Variants in LZTFL1 observed in about 807,000 individuals in gnomAD.
LZTFL1 encodes the protein leucine zipper transcription factor like 1.
Under a neutral mutation model 45.9 loss-of-function variants are expected in LZTFL1, and 25 were observed. The observed-to-expected ratio is 0.54, with a 90% CI of 0.40 to 0.76. LZTFL1 has a LOEUF of 0.76. LZTFL1 is among the 30% of genes least tolerant of loss of function. LZTFL1 has a pLI of 0.00. For missense variants in LZTFL1, 277 were observed against 331.1 expected, an observed-to-expected ratio of 0.84 and a Z score of 1.27; for synonymous variants, 93 against 117.4, an observed-to-expected ratio of 0.79 and a Z score of 1.35.
chr3:45,894,849 GGTT>G (rs1332593496), intron 2 of LZTFL1: 4 of 1,228,534 alleles, frequency 3.3e-6, no homozygotes, highest in Non-Finnish European at 4.8e-6. Context: ...TTTGGCATTT[GGTT>G]GTTACTATTC....
intron 1 of LZTFL1, among the ~76,000 whole-genome samples, chr3:45,915,103 T>A (rs1324457718): frequency 6.6e-6 from 1 of 152,184 alleles, no homozygotes; most frequent in Admixed American, 6.5e-5. Flanking sequence ...CTGCCTTTGG[T>A]GTCTGTTCCC....
chr3:45,842,275 T>G (rs947648744), upstream of LZTFL1: 152 of 975,794 alleles, frequency 1.6e-4, no homozygotes, highest in Non-Finnish European at 2.1e-4. Context: ...AGTTCACTTT[T>G]GGGAGCTGAC....
In LZTFL1 at chr3:45,834,264, CT is replaced by C; in HGVS notation, c.357del (p.Ala120GlnfsTer12). 6.3e-7 allele frequency: 1 copy of C among 1,596,810 alleles called. No homozygotes were observed. The highest frequency in any genetic ancestry group is 8.6e-7 in the Non-Finnish European group (1 of 1,166,238). ...TTTTTGTTTGAAGATGTAATCTCTG[CT>C]TTTTCAAATTCTGCAACTTGTTCTA... is the stretch of plus-strand genomic sequence containing the variant. The part of the protein sequence containing the change: ...ELLEQVAEFE[K>X]AEITSSNKKP... On this transcript the variant is annotated frameshift_variant, in exon 4 of 10. Transcript: ENST00000296135. LOFTEE classifies it high-confidence loss of function.
intron 2 of LZTFL1, among the ~76,000 whole-genome samples, chr3:45,881,592 T>TC (rs1701861083): frequency 1.3e-5 from 2 of 152,192 alleles, no homozygotes; most frequent in South Asian, 4.1e-4. Context: ...CAAAAATGAC[T>TC]ACTTTCTCCT....
At chr3:45,890,274 A>AAATATATATATAACT (rs1317451155) in intron 2 of LZTFL1, among the ~76,000 whole-genome samples, 1 of 10,366 alleles carries the variant, frequency 9.6e-5, no homozygotes, top group African/African-American at 2.0e-4. Context: ...TATATAACAT[A>AAATATATATATAACT]TATATATATT....
At chr3:45,850,380 C>T (rs1701289446) in intron 4 of LZTFL1, among the ~76,000 whole-genome samples, 1 of 152,290 alleles carries the variant, frequency 6.6e-6, no homozygotes, top group South Asian at 2.1e-4. Flanking sequence ...TACACAGTCT[C>T]CCCACTCCCT....
At chr3:45,875,724 G>A (rs1167165199) in intron 2 of LZTFL1, among the ~76,000 whole-genome samples, 1 of 152,140 alleles carries the variant, frequency 6.6e-6, no homozygotes, top group Admixed American at 6.5e-5. Context: ...TCTACATAGT[G>A]GTTGTGAAGA....
intron 2 of LZTFL1, among the ~76,000 whole-genome samples, chr3:45,892,789 T>C (rs752402063): frequency 1.2e-4 from 18 of 152,096 alleles, no homozygotes; most frequent in Non-Finnish European, 1.9e-4. Context: ...TCTCTCAAGT[T>C]GGCTACAACA....
intron 2 of LZTFL1, among the ~76,000 whole-genome samples, chr3:45,878,613 C>T (rs1309309789): frequency 6.7e-6 from 1 of 148,304 alleles, no homozygotes; most frequent in African/African-American, 2.5e-5. Context: ...AAAAAAAGCC[C>T]CTCTATGAAA....
At position 45,828,617 on chromosome 3, in the gene LZTFL1, T is replaced by C; in HGVS notation, c.601-2A>G. 6.2e-7 allele frequency: 1 copy of C among 1,600,322 alleles called. No homozygotes were observed. Among genetic ancestry groups the C allele is most frequent in the East Asian group, 2.2e-5 (1 of 44,814 alleles). On this transcript the variant is annotated splice_acceptor_variant, in intron 7 of 9. Transcript: ENST00000296135. LOFTEE classifies it high-confidence loss of function. Reference sequence around the variant, plus strand: ...TAAGTCTTGGGCCTTTATAAAATCCTATGAAAAATAAATGCATGCATGTAA... The same window carrying C: ...TAAGTCTTGGGCCTTTATAAAATCCCATGAAAAATAAATGCATGCATGTAA...
At chr3:45,842,231 G>A (rs965693642), upstream of LZTFL1, 49 of 1,327,424 alleles carry the variant, frequency 3.7e-5, no homozygotes, top group Non-Finnish European at 4.5e-5. Flanking sequence ...ATGCGCATTG[G>A]CTTCCAGGGC....
rs1553616523 is a variant in LZTFL1 at position 45,890,306 on chromosome 3, T to TATATATATTTATATAAATATATATATAAC, written c.-215+22813_-215+22814insGTTATATATATATTTATATAAATATATAT. On this transcript the variant is annotated intron_variant, in intron 2 of 4. Transcript: ENST00000472635. ...TATTTATATAAATATATATATAACA[T>TATATATATTTATATAAATATATATATAAC]ATATATATATTTATATAAATATATA... 6.1e-3 allele frequency among the ~76,000 whole-genome samples: 94 copies of TATATATATTTATATAAATATATATATAAC among 15,430 alleles called. 19 individuals carry two copies. The highest frequency in any genetic ancestry group is 8.9e-3 in the African/African-American group (16 of 1,796). 10.1% of individuals were successfully genotyped at this position (15,430 alleles called of 152,430 possible).
chr3:45,885,503 A>C (rs1701955150), intron 2 of LZTFL1, among the ~76,000 whole-genome samples: 1 of 152,168 alleles, frequency 6.6e-6, no homozygotes, highest in Non-Finnish European at 1.5e-5. Context: ...ACCTTACTAG[A>C]TTTGCCCCAA....
intron 1 of LZTFL1, among the ~76,000 whole-genome samples, chr3:45,841,125 G>C (rs1701099646): frequency 6.6e-6 from 1 of 152,166 alleles, no homozygotes; most frequent in South Asian, 2.1e-4. Context: ...TGAGTGGAGA[G>C]GCTCTAAACT....
intron 2 of LZTFL1, among the ~76,000 whole-genome samples, chr3:45,899,919 G>C (rs776578878): frequency 6.6e-6 from 1 of 152,120 alleles, no homozygotes. Flanking sequence ...TGTAAGAAGT[G>C]TGTGTGTGTA....
rs73830606 is a variant in LZTFL1 at position 45,893,026 on chromosome 3, C to G, written c.-215+20094G>C. 3.2e-3 allele frequency among the ~76,000 whole-genome samples: 494 copies of G among 152,314 alleles called. 3 individuals are homozygous for G. Among genetic ancestry groups the G allele is most frequent in the African/African-American group, 0.011 (455 of 41,570 alleles). Reference sequence around the variant, plus strand: ...AATATTAAAATGCAGAATGTAAGTTCTGACGTACATACACCCTTGCGAAGC... The same window carrying G: ...AATATTAAAATGCAGAATGTAAGTTGTGACGTACATACACCCTTGCGAAGC... On this transcript the variant is annotated intron_variant, in intron 2 of 4. Transcript: ENST00000472635.
chr3:45,866,548 A>G (rs1370056905), intron 2 of LZTFL1, among the ~76,000 whole-genome samples: 2 of 152,192 alleles, frequency 1.3e-5, no homozygotes, highest in Non-Finnish European at 2.9e-5. Flanking sequence ...CTAAGTTTGG[A>G]TCAATAAATG....
In LZTFL1 at chr3:45,901,972, C is replaced by A; in HGVS notation, c.-215+11148G>T. The stretch of plus-strand genomic sequence containing the variant: ...AGAAACAGTTTCCCCACTGATGGGA[C>A]CAGAGAGAGTGAAAGAGAAAAGAAA... On this transcript the variant is annotated intron_variant, in intron 2 of 4. Transcript: ENST00000472635. The surrounding 1 kb of genome is among the most constrained non-coding windows in gnomAD (Gnocchi z 4.3). 1 of 1,215,618 alleles carries A rather than the reference C, an allele frequency of 8.2e-7. No individual in the cohort carries two copies. Among genetic ancestry groups the A allele is most frequent in the Non-Finnish European group, 1.2e-6 (1 of 865,770 alleles). The allele number at this position is 1,215,618 out of a possible 1,614,324, so 75.3% of individuals were successfully genotyped here.
intron 4 of LZTFL1, among the ~76,000 whole-genome samples, chr3:45,847,565 C>T (rs778514748): frequency 6.6e-5 from 10 of 152,174 alleles, no homozygotes; most frequent in Non-Finnish European, 1.5e-4. Flanking sequence ...AAAAAGAAAA[C>T]TTTAAAAGTC....
Sources: allele counts gnomAD v4.1 joint callset (sites outside exome capture counted in the v4.1 genomes callset), GRCh38; gene constraint gnomAD v4.1.1; non-coding constraint Gnocchi (gnomAD v3.1); transcripts MANE v1.5; gene names NCBI Gene and HGNC (gene_info 2026-07-23, HGNC 2026-07-21).